The following MYO16 variants were observed in gnomAD, a reference collection of about 807,000 sequenced individuals.
MYO16 encodes myosin XVI.
In MYO16, 94 loss-of-function variants were observed where a neutral mutation model predicts 205.3. The ratio of observed to expected loss-of-function variants is 0.46; its 90% confidence interval spans 0.39 to 0.54. The LOEUF (loss-of-function observed/expected upper bound fraction) is 0.54, where lower values mean the gene tolerates loss of function less well. MYO16 is among the 20% of genes least tolerant of loss of function. MYO16 has a pLI of 0.00. For synonymous variants in MYO16, 988 were observed against 954.0 expected (o/e 1.04, Z -0.66); for missense variants, 2,315 against 2,387.5 (o/e 0.97, Z 0.63).
At chr13:108,558,647 C>T in the MYO16 span, among the ~76,000 whole-genome samples, 1 of 152,152 alleles carries the variant, frequency 6.6e-6, no homozygotes, top group South Asian at 2.1e-4. Context: ...CCCAGGCACA[C>T]CCTGGAAATT....
At chr13:109,111,703 T>C (rs1458640764) in intron 28 of MYO16, among the ~76,000 whole-genome samples, 2 of 152,060 alleles carry the variant, frequency 1.3e-5, no homozygotes, top group African/African-American at 2.4e-5. Flanking sequence ...TTTTTTTTTT[T>C]TGAGACGGAG....
In MYO16 at chr13:108,855,425, C is replaced by T. The variant is rs1878115798; in HGVS notation, c.1249-18C>T. ...TGGAAAGCAATTAGAATTGATCATACTTTCGGTTCTTCCCCAGGTCAAGCT... is the reference window on the plus strand; with the variant it reads ...TGGAAAGCAATTAGAATTGATCATATTTTCGGTTCTTCCCCAGGTCAAGCT... On this transcript the variant is annotated intron_variant, in intron 10 of 34. Coordinates refer to ENST00000457511, the MANE Select transcript of MYO16 (RefSeq NM_001198950.3). The T allele has an allele frequency of 6.7e-7, 1 of 1,488,434 alleles. No individual in the cohort carries two copies. Among genetic ancestry groups the T allele is most frequent in the Non-Finnish European group, 9.2e-7 (1 of 1,084,040 alleles). The allele number at this position is 1,488,434 out of a possible 1,614,324, so 92.2% of individuals were successfully genotyped here. A position where few individuals can be genotyped will look rare whatever the true frequency, so the allele number is the denominator to read the frequency against.
At chr13:109,013,578 A>T (rs181411012) in intron 22 of MYO16, among the ~76,000 whole-genome samples, 100 of 152,276 alleles carry the variant, frequency 6.6e-4, no homozygotes, top group African/African-American at 2.4e-3. Flanking sequence ...TTACACTCCC[A>T]CCAACAGTGC....
At chr13:109,101,505 G>A (rs561656689) in intron 28 of MYO16, 1 of 152,336 alleles carries the variant, frequency 6.6e-6, no homozygotes, top group South Asian at 2.1e-4. Flanking sequence ...TGCAGAAAAA[G>A]AAAATAACCT....
chr13:109,019,619 A>C, intron 22 of MYO16, 92 bp from the exon 23 acceptor site: 1 of 1,008,886 alleles, frequency 9.9e-7, no homozygotes, highest in Non-Finnish European at 1.5e-6. Flanking sequence ...ATATGAATCT[A>C]ACAAAAATAT....
At chr13:108,736,060 G>A (rs1179273073) in intron 4 of MYO16, among the ~76,000 whole-genome samples, 2 of 152,008 alleles carry the variant, frequency 1.3e-5, no homozygotes, top group Non-Finnish European at 2.9e-5. Flanking sequence ...TGTCAGATGA[G>A]TAGGTTGCAA....
rs147886111 is a variant in MYO16 at position 109,206,722 on chromosome 13, C to T, written c.5529C>T (p.His1843=). The change falls in exon 35 of 35, where the codon CAC becomes CAT. Residue 1843 remains histidine, a synonymous_variant. Transcript: ENST00000457511. ...AAGACTGGCAGCAGATCCTGCACCA[C>T]GCTGAGCCCAGGGTGCCTCCCCCAC... ...EGQDWQQILH[H]AEPRVPPPPP... is the part of the protein sequence containing the mutation. 5.4e-4 allele frequency: 876 copies of T among 1,614,196 alleles called. 5 individuals are homozygous for T. In the African/African-American group the frequency reaches 8.5e-3, roughly 16 times the overall value.
intron 27 of MYO16, among the ~76,000 whole-genome samples, chr13:109,088,620 C>A (rs1048921936): frequency 1.3e-5 from 2 of 152,162 alleles, no homozygotes; most frequent in African/African-American, 4.8e-5. Flanking sequence ...ACATAAAGTA[C>A]ATGAATGAAT....
chr13:109,130,029 G>T lies in MYO16; in HGVS notation c.4051+2479G>T, dbSNP rs148222815. Reference sequence around the variant, plus strand: ...AAAATAAAAGTTAGGAACCATAGGAGATATATATACACACACACACACACA... The same window carrying T: ...AAAATAAAAGTTAGGAACCATAGGATATATATATACACACACACACACACA... On this transcript the variant is annotated intron_variant, in intron 31 of 34. Transcript: ENST00000457511. Among the ~76,000 whole-genome samples the T allele has an allele frequency of 2.0e-3, 297 of 148,808 alleles. 2 individuals are homozygous for T. Among genetic ancestry groups the T allele is most frequent in the African/African-American group, 6.8e-3 (278 of 40,662 alleles).
chr13:108,877,494 G>A (rs1041290408), intron 12 of MYO16, among the ~76,000 whole-genome samples: 5 of 152,198 alleles, frequency 3.3e-5, no homozygotes, highest in African/African-American at 1.2e-4. Context: ...GAGTGCCTGT[G>A]AGGTGCTGAG....
intron 2 of MYO16, among the ~76,000 whole-genome samples, chr13:108,704,177 A>G (rs1883413412): frequency 6.6e-6 from 1 of 152,214 alleles, no homozygotes; most frequent in Admixed American, 6.5e-5. Flanking sequence ...TCTTGTTATG[A>G]TAGCCCTAGC....
chr13:108,911,215 A>G (rs981250802), intron 16 of MYO16, among the ~76,000 whole-genome samples: 60 of 142,864 alleles, frequency 4.2e-4, no homozygotes, highest in Admixed American at 1.1e-3. Flanking sequence ...TAAGCCTGCA[A>G]AAAAATATCT....
intron 16 of MYO16, among the ~76,000 whole-genome samples, chr13:108,949,880 T>A (rs1883076516): frequency 6.6e-6 from 1 of 151,590 alleles, no homozygotes; most frequent in Non-Finnish European, 1.5e-5. Flanking sequence ...ACAAATATAC[T>A]CACACACCAA....
Position 109,140,742 on chromosome 13 carries a change from C to G in MYO16, c.4530C>G (p.His1510Gln), listed in dbSNP as rs1224540968. 6.6e-7 allele frequency: 1 copy of G among 1,525,280 alleles called. No homozygotes were observed. Among genetic ancestry groups the G allele is most frequent in the Non-Finnish European group, 8.8e-7 (1 of 1,137,772 alleles). The allele number at this position is 1,525,280 out of a possible 1,614,324, so 94.5% of individuals were successfully genotyped here. ...CGCCCTTCCCCAACCTGCTGCCGCA[C>G]CGGCCGCCCCTGCTGGTGTTCCCCC... ...IPPPFPNLLP[H>Q]RPPLLVFPPT... Residue 1510 changes from histidine (H) to glutamine (Q), a missense_variant, in exon 32 of 35, where the codon CAC (histidine) becomes CAG (glutamine). Transcript: ENST00000457511. This position sits in a 1 kb window ranked among gnomAD's most constrained non-coding sequence, Gnocchi z 8.0.
chr13:109,192,844 T>G (rs2139948926), intron 34 of MYO16, among the ~76,000 whole-genome samples: 1 of 152,358 alleles, frequency 6.6e-6, no homozygotes, highest in Admixed American at 6.5e-5. Context: ...TTATGATTTA[T>G]CTGTTATGAC....
intron 22 of MYO16, among the ~76,000 whole-genome samples, chr13:109,013,090 T>A (rs959481588): frequency 1.3e-4 from 18 of 142,144 alleles, no homozygotes; most frequent in Non-Finnish European, 2.0e-4. Flanking sequence ...CATTAGGTAT[T>A]TCTCCTAATG....
intron 1 of MYO16, among the ~76,000 whole-genome samples, chr13:108,661,348 T>A (rs1881493821): frequency 6.6e-6 from 1 of 152,134 alleles, no homozygotes; most frequent in African/African-American, 2.4e-5. Flanking sequence ...GCTGGGGAAA[T>A]TTTCATCAAT....
At chr13:108,696,457 A>G (rs943273944) in intron 2 of MYO16, among the ~76,000 whole-genome samples, 1 of 152,310 alleles carries the variant, frequency 6.6e-6, no homozygotes, top group Admixed American at 6.5e-5. Flanking sequence ...TTTCACAAAC[A>G]CAAGACTGAA....
chr13:108,966,409 C>T (rs1883794995), intron 20 of MYO16, among the ~76,000 whole-genome samples: 1 of 152,268 alleles, frequency 6.6e-6, no homozygotes, highest in East Asian at 1.9e-4. Context: ...TTAAATTTTA[C>T]AGAGCCTTAA....
Sources: allele counts gnomAD v4.1 joint callset (sites outside exome capture counted in the v4.1 genomes callset), GRCh38; gene constraint gnomAD v4.1.1; non-coding constraint Gnocchi (gnomAD v3.1); transcripts MANE v1.5; gene names NCBI Gene and HGNC (gene_info 2026-07-23, HGNC 2026-07-21).